Variants in LPP observed in about 807,000 individuals in gnomAD.
LPP encodes the protein lipoma-preferred partner.
Under a neutral mutation model 60.4 loss-of-function variants are expected in LPP, and 38 were observed. That is an observed-to-expected ratio of 0.63 (90% CI 0.49 to 0.83). The LOEUF (loss-of-function observed/expected upper bound fraction) is 0.83, where lower values mean the gene tolerates loss of function less well. LPP is among the 40% of genes least tolerant of loss of function. The probability of loss-of-function intolerance (pLI) is 0.00; values close to 1 mark genes in which losing one functional copy is unlikely to be tolerated. For missense variants in LPP, 902 were observed against 783.6 expected (o/e 1.15, Z -1.80); for synonymous variants, 328 against 290.8 (o/e 1.13, Z -1.30).
chr3:188,233,326 C>G (rs1166553684), intron 2 of LPP, among the ~76,000 whole-genome samples: 2 of 151,748 alleles, frequency 1.3e-5, no homozygotes, highest in Non-Finnish European at 2.9e-5. Context: ...AAGACTAGTC[C>G]AGGGGTGAAT....
chr3:188,276,888 TCTTTTC>T (rs1740043407), intron 2 of LPP, among the ~76,000 whole-genome samples: 1 of 110,970 alleles, frequency 9.0e-6, no homozygotes, highest in African/African-American at 3.8e-5. Context: ...CCACTTCTTT[TCTTTTC>T]TTTTTTTTTT....
intron 6 of LPP, among the ~76,000 whole-genome samples, chr3:188,557,437 G>A (rs908988016): frequency 1.2e-4 from 18 of 152,076 alleles, no homozygotes; most frequent in African/African-American, 4.3e-4. Context: ...GACAGAATGA[G>A]ATATCATGAG....
chr3:188,470,868 C>T (rs184273180), intron 4 of LPP, among the ~76,000 whole-genome samples: 1 of 152,260 alleles, frequency 6.6e-6, no homozygotes, highest in East Asian at 1.9e-4. Context: ...GTGCTGCTGT[C>T]TGCAGTATTA....
chr3:188,313,348 A>G (rs1032789766), intron 2 of LPP, among the ~76,000 whole-genome samples: 6 of 148,082 alleles, frequency 4.1e-5, no homozygotes, highest in African/African-American at 1.3e-4. Context: ...TAATGAACCT[A>G]TCTAGTTCTG....
intron 6 of LPP, among the ~76,000 whole-genome samples, chr3:188,544,412 TA>T (rs751158191): frequency 2.6e-5 from 4 of 152,222 alleles, no homozygotes; most frequent in Non-Finnish European, 1.5e-5. Context: ...ATGAACATAT[TA>T]ACTTTTCTTT....
chr3:188,153,960 C>T (rs1308181275), upstream of LPP: 2 of 152,664 alleles, frequency 1.3e-5, no homozygotes, highest in East Asian at 3.9e-4. Flanking sequence ...GTTCCCGGGT[C>T]CCGCGCGAGC....
chr3:188,360,620 G>A (rs574293911), intron 3 of LPP, among the ~76,000 whole-genome samples: 2 of 152,192 alleles, frequency 1.3e-5, no homozygotes, highest in South Asian at 4.1e-4. Flanking sequence ...GCCTTCCAAA[G>A]TGCTGGGATT....
chr3:188,795,255 G>A (rs1373722154), intron 9 of LPP, among the ~76,000 whole-genome samples: 1 of 152,206 alleles, frequency 6.6e-6, no homozygotes, highest in African/African-American at 2.4e-5. Flanking sequence ...TTTTCTTAAT[G>A]TCTTAGTTTG....
At position 188,757,889 on chromosome 3, in the gene LPP, G is replaced by GTTTTTTTTTTTTT. The variant is rs750488243; in HGVS notation, c.1241-2216_1241-2204dup. The stretch of plus-strand genomic sequence containing the variant: ...TTTTTTTTGTGGTTTTGTTTTTTTG[G>GTTTTTTTTTTTTT]TTTTTTTTTTTTTTTTTTTTCAGAA... On this transcript the variant is annotated intron_variant, in intron 8 of 11. Transcript: ENST00000617246. Among the ~76,000 whole-genome samples, 54 of 78,694 alleles carry GTTTTTTTTTTTTT rather than the reference G, an allele frequency of 6.9e-4. 2 individuals are homozygous for GTTTTTTTTTTTTT. Among genetic ancestry groups the GTTTTTTTTTTTTT allele is most frequent in the African/African-American group, 2.1e-3 (40 of 19,440 alleles). 51.6% of individuals were successfully genotyped at this position (78,694 alleles called of 152,430 possible). A position where few individuals can be genotyped will look rare whatever the true frequency, so the allele number is the denominator to read the frequency against.
intron 7 of LPP, among the ~76,000 whole-genome samples, chr3:188,694,175 C>T (rs1862707501): frequency 6.6e-6 from 1 of 152,178 alleles, no homozygotes; most frequent in African/African-American, 2.4e-5. Context: ...AAGAACCCGG[C>T]AGAAAATTTT....
intron 7 of LPP, among the ~76,000 whole-genome samples, chr3:188,695,164 G>A (rs1298831709): frequency 6.6e-6 from 1 of 152,116 alleles, no homozygotes; most frequent in Non-Finnish European, 1.5e-5. Flanking sequence ...CACCTACTAA[G>A]CACTCAGAAT....
intron 2 of LPP, among the ~76,000 whole-genome samples, chr3:188,291,416 G>A (rs1745892111): frequency 6.6e-6 from 1 of 152,004 alleles, no homozygotes; most frequent in African/African-American, 2.4e-5. Context: ...CAGGCGGGTG[G>A]ATCACGAGGT....
rs892476095 is a variant in LPP at position 188,431,601 on chromosome 3, C to T, written c.193+25288C>T. 2.0e-5 allele frequency among the ~76,000 whole-genome samples: 3 copies of T among 152,182 alleles called. No homozygotes were observed. In the East Asian group the frequency reaches 5.8e-4, roughly 29 times the overall value. ...TGCTGAAAAGTAGGTGGCAGTCAATCAAAATGGCAATTACTGTACAAGACA... is the reference window on the plus strand; with the variant it reads ...TGCTGAAAAGTAGGTGGCAGTCAATTAAAATGGCAATTACTGTACAAGACA... On this transcript the variant is annotated intron_variant, in intron 4 of 11. Transcript: ENST00000617246.
At chr3:188,643,525 A>G (rs1404059431) in intron 7 of LPP, among the ~76,000 whole-genome samples, 3 of 152,238 alleles carry the variant, frequency 2.0e-5, no homozygotes. Context: ...TGATACTCTT[A>G]CAAGAAGTGA....
At chr3:188,516,936 T>A (rs1817545292) in intron 5 of LPP, among the ~76,000 whole-genome samples, 1 of 152,164 alleles carries the variant, frequency 6.6e-6, no homozygotes, top group East Asian at 1.9e-4. Context: ...CCCTTACACA[T>A]GTTCAGATGC....
intron 6 of LPP, 106 bp downstream of exon 6, chr3:188,524,893 G>A (rs56275744): frequency 1.8e-5 from 4 of 226,688 alleles, no homozygotes; most frequent in Admixed American, 2.1e-4. Context: ...CCTTCCTTCC[G>A]TCCGTCCTTC....
At chr3:188,806,528 A>T (rs1454906643) in intron 9 of LPP, among the ~76,000 whole-genome samples, 1 of 151,836 alleles carries the variant, frequency 6.6e-6, no homozygotes, top group Non-Finnish European at 1.5e-5. Flanking sequence ...TTGTGTGTTT[A>T]CACTATTTAC....
intron 4 of LPP, among the ~76,000 whole-genome samples, chr3:188,440,003 A>T (rs1212775295): frequency 6.6e-6 from 1 of 152,210 alleles, no homozygotes; most frequent in Non-Finnish European, 1.5e-5. Context: ...ATGGAGATGG[A>T]ACTTAACTGT....
At chr3:188,310,510 G>A (rs904850063) in intron 2 of LPP, among the ~76,000 whole-genome samples, 4 of 152,178 alleles carry the variant, frequency 2.6e-5, no homozygotes, top group African/African-American at 4.8e-5. Context: ...AATAATTGTT[G>A]AGGGAGAGTT....
Sources: gnomAD v4.1 joint callset for allele counts (sites outside exome capture counted in the v4.1 genomes callset) on GRCh38, gnomAD v4.1.1 for gene constraint, MANE v1.5 for transcripts, NCBI Gene and HGNC (gene_info 2026-07-23, HGNC 2026-07-21) for gene names.